EDIL3: variants seen among roughly 807,000 people sequenced by gnomAD.
EDIL3 encodes the protein EGF-like repeat and discoidin I-like domain-containing protein 3.
A neutral mutation model predicts 67.4 loss-of-function variants in EDIL3; 37 were observed. The ratio of observed to expected loss-of-function variants is 0.55; its 90% CI spans 0.42 to 0.72. The LOEUF (loss-of-function observed/expected upper bound fraction) is 0.72. Ranked by LOEUF, EDIL3 falls within the 30% of genes least tolerant of loss-of-function variation. The probability of loss-of-function intolerance (pLI) is 0.00; values close to 1 mark genes in which losing one functional copy is unlikely to be tolerated. For missense variants in EDIL3, 527 were observed against 586.3 expected, an observed-to-expected ratio of 0.90 and a Z score of 1.04; for synonymous variants, 195 against 196.3, an observed-to-expected ratio of 0.99 and a Z score of 0.05.
At chr5:84,151,258 CGCACAT>C (rs1024865254) in intron 4 of EDIL3, among the ~76,000 whole-genome samples, 1 of 145,232 alleles carries the variant, frequency 6.9e-6, no homozygotes, top group African/African-American at 2.8e-5. Context: ...TACACACACA[CGCACAT>C]ACACACACAC....
intron 9 of EDIL3, among the ~76,000 whole-genome samples, chr5:84,056,541 T>C (rs1006252288): frequency 6.6e-6 from 1 of 152,120 alleles, no homozygotes; most frequent in African/African-American, 2.4e-5. Context: ...CATAAGAATT[T>C]CTTAAACTAT....
At chr5:84,231,977 T>C (rs1425238495) in intron 2 of EDIL3, among the ~76,000 whole-genome samples, 3 of 152,210 alleles carry the variant, frequency 2.0e-5, no homozygotes, top group Admixed American at 2.0e-4. Flanking sequence ...ATTTCTCATT[T>C]GATAAAAGAA....
chr5:84,330,645 TTTTG>T (rs1387136485), intron 1 of EDIL3, among the ~76,000 whole-genome samples: 1 of 152,160 alleles, frequency 6.6e-6, no homozygotes, highest in Admixed American at 6.5e-5. Context: ...CCCTATTTGT[TTTTG>T]TTTTATTTAT....
At chr5:84,068,815 A>C (rs568437805) in intron 6 of EDIL3, among the ~76,000 whole-genome samples, 1 of 152,300 alleles carries the variant, frequency 6.6e-6, no homozygotes, top group Non-Finnish European at 1.5e-5. Flanking sequence ...AATTCAATAT[A>C]AGGAAGCTAA....
intron 1 of EDIL3, among the ~76,000 whole-genome samples, chr5:84,318,449 CA>C (rs1370990040): frequency 1.3e-5 from 2 of 152,066 alleles, no homozygotes; most frequent in Non-Finnish European, 2.9e-5. Flanking sequence ...GTACTGGTAC[CA>C]AAACAGATAT....
chr5:83,956,289 A>C (rs1744512964), intron 10 of EDIL3, among the ~76,000 whole-genome samples: 1 of 151,774 alleles, frequency 6.6e-6, no homozygotes, highest in Non-Finnish European at 1.5e-5. Flanking sequence ...CTTGCAGCTT[A>C]TGTTAAACAT....
At chr5:84,284,884 T>C (rs2112111440) in intron 1 of EDIL3, among the ~76,000 whole-genome samples, 1 of 152,300 alleles carries the variant, frequency 6.6e-6, no homozygotes, top group East Asian at 1.9e-4. Context: ...TGTAGTTAAG[T>C]AACATTCAGC....
chr5:84,316,720 G>A (rs1410036796), intron 1 of EDIL3, among the ~76,000 whole-genome samples: 1 of 152,034 alleles, frequency 6.6e-6, no homozygotes, highest in African/African-American at 2.4e-5. Flanking sequence ...AAATTAACAA[G>A]GATATCCAGG....
intron 10 of EDIL3, among the ~76,000 whole-genome samples, chr5:83,955,780 T>A (rs7718302): frequency 0.57 from 86,006 of 151,562 alleles, 24,551 homozygotes; most frequent in African/African-American, 0.62. Flanking sequence ...GTTAGACAGC[T>A]TTCTGCTTTT....
chr5:84,142,006 A>C (rs936528835), intron 4 of EDIL3, among the ~76,000 whole-genome samples: 1 of 81,026 alleles, frequency 1.2e-5, no homozygotes, highest in Non-Finnish European at 2.7e-5. Flanking sequence ...TATCATATTG[A>C]GCACTCCTCC....
chr5:84,258,377 A>T (rs554532567), intron 1 of EDIL3, among the ~76,000 whole-genome samples: 1 of 152,284 alleles, frequency 6.6e-6, no homozygotes, highest in Admixed American at 6.5e-5. Context: ...GACCAGGGAG[A>T]GCCTCAGTCT....
intron 1 of EDIL3, among the ~76,000 whole-genome samples, chr5:84,342,966 G>A (rs1036642585): frequency 2.0e-5 from 3 of 152,002 alleles, no homozygotes; most frequent in Admixed American, 6.6e-5. Context: ...TTTCAGAGCC[G>A]AAAGTAAACT....
At position 84,252,493 on chromosome 5, in the gene EDIL3, C is replaced by CAAAAAAAAAAAA. The variant is rs70975548; in HGVS notation, c.196+1579_196+1590dup. Among the ~76,000 whole-genome samples, 162 of 28,938 alleles carry CAAAAAAAAAAAA rather than the reference C, an allele frequency of 5.6e-3. 36 individuals carry two copies. The highest frequency in any genetic ancestry group is 0.015 in the African/African-American group (112 of 7,344). 19.0% of individuals were successfully genotyped at this position (28,938 alleles called of 152,430 possible). On this transcript the variant is annotated intron_variant, in intron 2 of 10. Transcript: ENST00000296591. ...TGTGCGACAAAGTGAGACTCCGTCTCAAAAAAAAAAAAAAAAAAAAAAAAA... is the reference window on the plus strand; with the variant it reads ...TGTGCGACAAAGTGAGACTCCGTCTCAAAAAAAAAAAAAAAAAAAAAAAAAAAAAAAAAAAAA...
intron 6 of EDIL3, among the ~76,000 whole-genome samples, chr5:84,088,146 G>C (rs894046434): frequency 6.6e-6 from 1 of 152,106 alleles, no homozygotes; most frequent in Non-Finnish European, 1.5e-5. Context: ...AAGCCCACAT[G>C]GGCAGAGAAA....
At chr5:84,340,243 A>C (rs1188428701) in intron 1 of EDIL3, among the ~76,000 whole-genome samples, 1 of 151,744 alleles carries the variant, frequency 6.6e-6, no homozygotes, top group Non-Finnish European at 1.5e-5. Flanking sequence ...TACATTAACA[A>C]CAAGAAAAAA....
intron 9 of EDIL3, among the ~76,000 whole-genome samples, chr5:84,020,462 C>A (rs1276905685): frequency 6.6e-6 from 1 of 152,008 alleles, no homozygotes; most frequent in Non-Finnish European, 1.5e-5. Context: ...GAGAGGGTTA[C>A]ATTCAGATTT....
chr5:84,275,303 G>A (rs1005481190), intron 1 of EDIL3, among the ~76,000 whole-genome samples: 1 of 152,114 alleles, frequency 6.6e-6, no homozygotes, highest in African/African-American at 2.4e-5. Flanking sequence ...AAATATGAGA[G>A]TGTCACAAAA....
At chr5:84,352,567 C>T (rs915256402) in intron 1 of EDIL3, among the ~76,000 whole-genome samples, 5 of 152,092 alleles carry the variant, frequency 3.3e-5, no homozygotes, top group Admixed American at 6.6e-5. Context: ...ACCACATGTT[C>T]TCACTTGGGA....
intron 10 of EDIL3, among the ~76,000 whole-genome samples, chr5:83,951,689 T>C (rs572135677): frequency 2.6e-5 from 4 of 151,836 alleles, no homozygotes; most frequent in Admixed American, 6.6e-5. Flanking sequence ...TATTTCTTCA[T>C]TGGGAAAGAG....
Sources: allele counts gnomAD v4.1 joint callset (sites outside exome capture counted in the v4.1 genomes callset), GRCh38; gene constraint gnomAD v4.1.1; transcripts MANE v1.5; gene names NCBI Gene and HGNC (gene_info 2026-07-23, HGNC 2026-07-21).